Variants in GABBR2 observed in about 807,000 individuals in gnomAD.
GABBR2 encodes G-protein coupled receptor 51.
GABBR2 carries 23 observed loss-of-function variants against 105.6 expected under a neutral mutation model. The ratio of observed to expected loss-of-function variants is 0.22; its 90% CI spans 0.16 to 0.31. The LOEUF (loss-of-function observed/expected upper bound fraction) is 0.31. Among genes scored for constraint, GABBR2 ranks in the 10% least tolerant of loss-of-function variants. GABBR2 has a pLI of 1.00. For synonymous variants in GABBR2, 478 were observed against 499.7 expected (o/e 0.96, Z 0.58); for missense variants, 734 against 1,245.5 (o/e 0.59, Z 6.18).
At chr9:98,540,857 AGGCTAAT>A (rs1435766982) in intron 3 of GABBR2, among the ~76,000 whole-genome samples, 3 of 152,266 alleles carry the variant, frequency 2.0e-5, no homozygotes, top group Non-Finnish European at 4.4e-5. Flanking sequence ...CATCTGAGTG[AGGCTAAT>A]GTTTCAAATA....
intron 13 of GABBR2, among the ~76,000 whole-genome samples, chr9:98,323,396 T>C (rs955150282): frequency 3.9e-5 from 6 of 152,214 alleles, no homozygotes; most frequent in Admixed American, 1.3e-4. Flanking sequence ...TTAGACTTGA[T>C]TGTGGCCCTG....
intron 16 of GABBR2, among the ~76,000 whole-genome samples, chr9:98,301,742 G>A (rs1274798670): frequency 6.6e-6 from 1 of 152,180 alleles, no homozygotes; most frequent in Non-Finnish European, 1.5e-5. Flanking sequence ...TGTGCAAGTA[G>A]AAGTGAAATG....
chr9:98,410,860 T>C (rs1832579353), intron 7 of GABBR2, among the ~76,000 whole-genome samples: 1 of 152,178 alleles, frequency 6.6e-6, no homozygotes, highest in Admixed American at 6.5e-5. Context: ...CAACATCACT[T>C]TCCCTTTCAT....
intron 12 of GABBR2, among the ~76,000 whole-genome samples, chr9:98,369,100 T>C (rs967156105): frequency 2.6e-5 from 4 of 152,200 alleles, no homozygotes; most frequent in Non-Finnish European, 4.4e-5. Flanking sequence ...TCCAGTAGTT[T>C]TCAAAAGGTC....
intron 13 of GABBR2, among the ~76,000 whole-genome samples, chr9:98,316,353 T>C (rs1279298363): frequency 6.6e-6 from 1 of 152,180 alleles, no homozygotes; most frequent in African/African-American, 2.4e-5. Flanking sequence ...GGTTTCTCCA[T>C]GTTGGTCAGA....
intron 13 of GABBR2, among the ~76,000 whole-genome samples, chr9:98,344,984 C>A (rs1831279212): frequency 6.6e-6 from 1 of 152,158 alleles, no homozygotes; most frequent in Admixed American, 6.5e-5. Flanking sequence ...GCCTCCCAAG[C>A]CCATTCTCAT....
At chr9:98,704,903 G>GTACCGCTGCAGTGAGCTATGATA (rs1466452862) in intron 1 of GABBR2, among the ~76,000 whole-genome samples, 4 of 150,420 alleles carry the variant, frequency 2.7e-5, no homozygotes, top group Non-Finnish European at 4.4e-5. Context: ...GAGCTATGAT[G>GTACCGCTGCAGTGAGCTATGATA]TACCACTGCA....
intron 13 of GABBR2, chr9:98,362,445 A>T (rs574810232): frequency 4.8e-5 from 10 of 208,468 alleles, no homozygotes; most frequent in Non-Finnish European, 8.6e-5. Flanking sequence ...TGGATCTTAT[A>T]AATGAAGGCT....
At chr9:98,299,994 C>T (rs1253396819) in intron 16 of GABBR2, among the ~76,000 whole-genome samples, 1 of 151,902 alleles carries the variant, frequency 6.6e-6, no homozygotes, top group African/African-American at 2.4e-5. Context: ...TCCTGAGTAG[C>T]TGGGACTACA....
At chr9:98,424,920 T>C (rs1033344465) in intron 7 of GABBR2, among the ~76,000 whole-genome samples, 3 of 151,858 alleles carry the variant, frequency 2.0e-5, no homozygotes, top group African/African-American at 7.3e-5. Flanking sequence ...AGGTAATTTA[T>C]AGATTCAATG....
intron 7 of GABBR2, among the ~76,000 whole-genome samples, chr9:98,432,001 T>C (rs907956817): frequency 6.6e-6 from 1 of 152,182 alleles, no homozygotes; most frequent in African/African-American, 2.4e-5. Flanking sequence ...GTTCAAGTGA[T>C]TCTTGTGCCT....
intron 2 of GABBR2, among the ~76,000 whole-genome samples, chr9:98,556,670 C>G (rs1042778909): frequency 2.6e-5 from 4 of 152,130 alleles, no homozygotes; most frequent in African/African-American, 9.7e-5. Flanking sequence ...AAACCCGCCA[C>G]CAACCTGCTA....
chr9:98,350,188 AC>A (rs932087084), intron 13 of GABBR2, among the ~76,000 whole-genome samples: 15 of 140,380 alleles, frequency 1.1e-4, no homozygotes, highest in African/African-American at 3.3e-4. Context: ...AAAAAAAAAA[AC>A]CCCACAAGTT....
chr9:98,612,208 A>G (rs1829515187), intron 1 of GABBR2, among the ~76,000 whole-genome samples: 2 of 152,250 alleles, frequency 1.3e-5, no homozygotes, highest in Admixed American at 1.3e-4. Context: ...TCTCAGAGGC[A>G]GAGAGCACAG....
rs4535850 is a variant in GABBR2 at position 98,684,101 on chromosome 9, C to G, written c.321+24316G>C. Among the ~76,000 whole-genome samples, 937 of 139,962 alleles carry G rather than the reference C, an allele frequency of 6.7e-3. 6 individuals are homozygous for G. Among genetic ancestry groups the G allele is most frequent in the Non-Finnish European group, 9.7e-3 (643 of 66,386 alleles). 91.8% of individuals were successfully genotyped at this position (139,962 alleles called of 152,430 possible). A position where few individuals can be genotyped will look rare whatever the true frequency, so the allele number is the denominator to read the frequency against. ...CACTTAAAAATATGAAGTAGAGACT[C>G]TGGCAGAGCCAGAAAGCTCTTCAAG... On this transcript the variant is annotated intron_variant, in intron 1 of 18. Coordinates refer to ENST00000259455, the MANE Select transcript of GABBR2 (RefSeq NM_005458.8).
chr9:98,480,243 A>G (rs1276922070), intron 5 of GABBR2, among the ~76,000 whole-genome samples: 1 of 152,174 alleles, frequency 6.6e-6, no homozygotes, highest in Non-Finnish European at 1.5e-5. Flanking sequence ...ATCAAAATGG[A>G]AACTGACTTA....
intron 3 of GABBR2, among the ~76,000 whole-genome samples, chr9:98,524,286 C>T (rs1469048368): frequency 6.6e-6 from 1 of 152,162 alleles, no homozygotes; most frequent in Non-Finnish European, 1.5e-5. Flanking sequence ...GGAAAGCTTT[C>T]CAACTCTTGT....
At chr9:98,331,629 G>A (rs953978900) in intron 13 of GABBR2, among the ~76,000 whole-genome samples, 2 of 152,086 alleles carry the variant, frequency 1.3e-5, no homozygotes, top group African/African-American at 4.8e-5. Flanking sequence ...CAGTAAATGT[G>A]GGTTTGGCAG....
At chr9:98,607,389 A>G in intron 1 of GABBR2, 1 of 672,350 alleles carries the variant, frequency 1.5e-6, no homozygotes, top group Non-Finnish European at 2.7e-6. Flanking sequence ...ATGAAACAGT[A>G]TCATCTCACT....
Sources: allele counts gnomAD v4.1 joint callset (sites outside exome capture counted in the v4.1 genomes callset), GRCh38; gene constraint gnomAD v4.1.1; transcripts MANE v1.5; gene names NCBI Gene and HGNC (gene_info 2026-07-23, HGNC 2026-07-21).